The following USP32 variants were observed in gnomAD, a reference collection of about 807,000 sequenced individuals.
The protein encoded by USP32 is ubiquitin specific peptidase 32.
A neutral mutation model predicts 204.8 loss-of-function variants in USP32; 59 were observed. That is an observed-to-expected ratio of 0.29 (90% CI 0.23 to 0.36). The LOEUF (loss-of-function observed/expected upper bound fraction) is 0.36, where lower values mean the gene tolerates loss of function less well. USP32 is among the 10% of genes least tolerant of loss of function. The pLI is 1.00. For missense variants in USP32, 1,160 were observed against 1,946.4 expected (o/e 0.60, Z 7.60); for synonymous variants, 517 against 678.4 (o/e 0.76, Z 3.70).
rs189084030 is a variant in USP32 at position 60,265,775 on chromosome 17, C to A, written c.927+201G>T. On this transcript the variant is annotated intron_variant, in intron 8 of 33. Transcript: ENST00000300896. The stretch of plus-strand genomic sequence containing the variant: ...AAGATAACTTTCCTATGGTTTCATT[C>A]TTATTTTACATAGTTCAGTTTAAGA... 3.3e-4 allele frequency among the ~76,000 whole-genome samples: 50 copies of A among 152,284 alleles called. No individual in the cohort carries two copies. The East Asian group carries it at 9.1e-3, about 28-fold the overall frequency.
chr17:60,185,067 G>T (rs2084217226), intron 30 of USP32, among the ~76,000 whole-genome samples: 1 of 152,218 alleles, frequency 6.6e-6, no homozygotes, highest in Admixed American at 6.5e-5. Context: ...TATGTGCAGT[G>T]GGTGTTGGGG....
At chr17:60,341,950 C>T (rs2088669772) in intron 2 of USP32, among the ~76,000 whole-genome samples, 1 of 152,130 alleles carries the variant, frequency 6.6e-6, no homozygotes, top group Non-Finnish European at 1.5e-5. Flanking sequence ...CTGTTGCTGG[C>T]GAGGAGCTGC....
At chr17:60,237,970 T>C (rs935862119) in intron 11 of USP32, among the ~76,000 whole-genome samples, 8 of 152,220 alleles carry the variant, frequency 5.3e-5, no homozygotes, top group Admixed American at 1.3e-4. Context: ...ACATGGAAAT[T>C]CTTGCTGAGG....
intron 1 of USP32, among the ~76,000 whole-genome samples, chr17:60,363,454 C>CA (rs148426945): frequency 0.078 from 2,558 of 32,678 alleles, 222 homozygotes; most frequent in African/African-American, 0.21. Flanking sequence ...GACTCTGTCT[C>CA]AAAAAAAAAA....
intron 3 of USP32, among the ~76,000 whole-genome samples, chr17:60,296,414 A>C (rs2087430738): frequency 6.6e-6 from 1 of 152,322 alleles, no homozygotes; most frequent in East Asian, 1.9e-4. Context: ...TGTGTAAGAA[A>C]GGCAGGGATT....
At chr17:60,278,316 A>T (rs1422655361) in intron 5 of USP32, among the ~76,000 whole-genome samples, 1 of 152,170 alleles carries the variant, frequency 6.6e-6, no homozygotes, top group Non-Finnish European at 1.5e-5. Flanking sequence ...CAAGACAATT[A>T]TGTTTAGAGA....
At chr17:60,416,622 G>C (rs2090064299) in intron 1 of USP32, among the ~76,000 whole-genome samples, 1 of 152,126 alleles carries the variant, frequency 6.6e-6, no homozygotes, top group Non-Finnish European at 1.5e-5. Context: ...TTTTGTCTTA[G>C]TTAATGTTGA....
intron 11 of USP32, among the ~76,000 whole-genome samples, chr17:60,237,607 C>G (rs1374288528): frequency 6.6e-6 from 1 of 152,126 alleles, no homozygotes; most frequent in East Asian, 1.9e-4. Context: ...TCGCCCAGAC[C>G]TTAACAACCA....
At chr17:60,206,408 G>C (rs1221783849) in intron 25 of USP32, among the ~76,000 whole-genome samples, 1 of 149,458 alleles carries the variant, frequency 6.7e-6, no homozygotes, top group Non-Finnish European at 1.5e-5. Flanking sequence ...CCACGTGACT[G>C]GTGGATACTG....
At chr17:60,190,834 G>A (rs1218973915) in intron 28 of USP32, 151 bp from the exon 29 acceptor site, 1 of 1,113,984 alleles carries the variant, frequency 9.0e-7, no homozygotes, top group Non-Finnish European at 1.2e-6. Context: ...TCTGATAAAT[G>A]TAGGGATACT....
intron 6 of USP32, among the ~76,000 whole-genome samples, chr17:60,269,865 C>A (rs559001641): frequency 6.7e-6 from 1 of 149,618 alleles, no homozygotes; most frequent in East Asian, 2.0e-4. Flanking sequence ...AATTAAAAAC[C>A]AAAAAAAGGT....
At position 60,211,549 on chromosome 17, in the gene USP32, G is replaced by A. The variant is rs2084967511; in HGVS notation, c.2180-35C>T. The A allele has an allele frequency of 1.9e-6, 3 of 1,585,140 alleles. No individual in the cohort carries two copies. In the African/African-American group the frequency reaches 4.1e-5, roughly 22 times the overall value. ...ACAATATGAGAACCAAAGCTTAGCT[G>A]TAGTAATATGCCATGGCACAAACAG... On this transcript the variant is annotated intron_variant, in intron 19 of 33. Transcript: ENST00000300896.
chr17:60,395,687 CT>C (rs1324714336), upstream of USP32, among the ~76,000 whole-genome samples: 1 of 152,282 alleles, frequency 6.6e-6, no homozygotes, highest in African/African-American at 2.4e-5. Context: ...GAAACCATTG[CT>C]TTAACTATAA....
intron 28 of USP32, among the ~76,000 whole-genome samples, chr17:60,191,435 A>G (rs1454808822): frequency 2.2e-5 from 3 of 136,210 alleles, no homozygotes; most frequent in Non-Finnish European, 3.1e-5. Context: ...AAGTTTATAG[A>G]GTTGCAGAGG....
Position 60,368,991 on chromosome 17 carries a change from A to G in USP32, c.58+22891T>C, listed in dbSNP as rs201399712. On this transcript the variant is annotated intron_variant, in intron 1 of 33. Transcript: ENST00000300896. ...ACATACACGAATTATTTTTTAAAAG[A>G]TTTTTTTTTTTTTTTTTTTTTGAGA... Among the ~76,000 whole-genome samples the G allele has an allele frequency of 2.6e-5, 3 of 114,136 alleles. No homozygotes were observed. In the South Asian group the frequency reaches 7.6e-4, roughly 29 times the overall value. The allele number at this position is 114,136 out of a possible 152,430, so 74.9% of individuals were successfully genotyped here.
intron 2 of USP32, among the ~76,000 whole-genome samples, chr17:60,341,720 C>T (rs2088662385): frequency 2.0e-5 from 3 of 152,156 alleles, no homozygotes; most frequent in Non-Finnish European, 4.4e-5. Context: ...GCATGCATCA[C>T]GAAGTTCTCG....
rs1466868065 is a variant in USP32, at chr17:60,181,609, T to C, written c.4263A>G (p.Ser1421=). 6.2e-7 allele frequency: 1 copy of C among 1,613,990 alleles called. No homozygotes were observed. The highest frequency in any genetic ancestry group is 1.1e-5 in the South Asian group (1 of 91,080). The part of the protein sequence containing the change: ...LPQIGSKNKL[S]SSKENLDASK... Reference sequence around the variant, plus strand: ...TGGCATCCAAGTTCTCTTTACTACTTGACAGTTTATTTTTGCTGCCAATCT... The same window carrying C: ...TGGCATCCAAGTTCTCTTTACTACTCGACAGTTTATTTTTGCTGCCAATCT... Residue 1421 remains serine, a synonymous_variant, in exon 32 of 34, where the codon TCA becomes TCG. Coordinates refer to ENST00000300896, the MANE Select transcript of USP32 (RefSeq NM_032582.4).
chr17:60,243,191 T>C (rs2085924470), intron 11 of USP32, among the ~76,000 whole-genome samples: 1 of 152,228 alleles, frequency 6.6e-6, no homozygotes, highest in Admixed American at 6.5e-5. Context: ...ATTCAATTGA[T>C]TGCTTAATCA....
intron 13 of USP32, among the ~76,000 whole-genome samples, chr17:60,224,047 G>A (rs1249414071): frequency 2.0e-5 from 3 of 152,210 alleles, no homozygotes; most frequent in African/African-American, 7.2e-5. Context: ...AGATCCTATT[G>A]TATCTATGAA....
Sources: gnomAD v4.1 joint callset for allele counts (sites outside exome capture counted in the v4.1 genomes callset) on GRCh38, gnomAD v4.1.1 for gene constraint, MANE v1.5 for transcripts, NCBI Gene and HGNC (gene_info 2026-07-23, HGNC 2026-07-21) for gene names.